CPEB3: variants seen among roughly 807,000 people sequenced by gnomAD.
CPEB3 encodes cytoplasmic polyadenylation element binding protein 3.
Under a neutral mutation model 67.2 loss-of-function variants are expected in CPEB3, and 20 were observed. The observed-to-expected ratio is 0.30, with a 90% CI of 0.21 to 0.43. The LOEUF (loss-of-function observed/expected upper bound fraction) is 0.43, where lower values mean the gene tolerates loss of function less well. Ranked by LOEUF, CPEB3 falls within the 20% of genes least tolerant of loss-of-function variation. The probability of loss-of-function intolerance (pLI) is 1.00; values close to 1 mark genes in which losing one functional copy is unlikely to be tolerated. For synonymous variants in CPEB3, 376 were observed against 393.1 expected (o/e 0.96, Z 0.51); for missense variants, 746 against 968.6 (o/e 0.77, Z 3.05).
At chr10:92,230,181 C>A (rs1851202117) in intron 2 of CPEB3, among the ~76,000 whole-genome samples, 1 of 152,150 alleles carries the variant, frequency 6.6e-6, no homozygotes, top group Non-Finnish European at 1.5e-5. Flanking sequence ...TACTAAGTGT[C>A]AGGCACTTCC....
chr10:92,255,291 A>AC (rs1405584493), intron 1 of CPEB3, among the ~76,000 whole-genome samples: 6 of 152,122 alleles, frequency 3.9e-5, no homozygotes, highest in African/African-American at 7.2e-5. Flanking sequence ...TTTGAAAGAA[A>AC]CTCTAGATCT....
chr10:92,233,783 T>G (rs897676601), intron 2 of CPEB3, among the ~76,000 whole-genome samples: 1 of 152,084 alleles, frequency 6.6e-6, no homozygotes. Flanking sequence ...TAAAACTCCT[T>G]GCAATCACCT....
chr10:92,210,747 T>C (rs144988582), intron 2 of CPEB3, among the ~76,000 whole-genome samples: 1 of 152,318 alleles, frequency 6.6e-6, no homozygotes, highest in African/African-American at 2.4e-5. Flanking sequence ...CATTTAAAGC[T>C]ATAAATATGG....
intron 4 of CPEB3, among the ~76,000 whole-genome samples, chr10:92,176,209 T>C (rs1431103750): frequency 1.3e-5 from 2 of 152,236 alleles, no homozygotes; most frequent in Admixed American, 6.5e-5. Context: ...GAAACTAATA[T>C]GTAAAGAAAG....
At chr10:92,234,376 C>T (rs1044199558) in intron 2 of CPEB3, among the ~76,000 whole-genome samples, 3 of 152,128 alleles carry the variant, frequency 2.0e-5, no homozygotes, top group African/African-American at 4.8e-5. Flanking sequence ...GGCATACTTA[C>T]AGTCACTGTA....
At chr10:92,248,546 A>G (rs943246067) in intron 1 of CPEB3, among the ~76,000 whole-genome samples, 2 of 152,238 alleles carry the variant, frequency 1.3e-5, no homozygotes, top group African/African-American at 4.8e-5. Context: ...ATATACGGAT[A>G]AATGGATGGA....
chr10:92,186,739 A>G (rs1848713475), intron 3 of CPEB3, among the ~76,000 whole-genome samples: 1 of 152,130 alleles, frequency 6.6e-6, no homozygotes, highest in Non-Finnish European at 1.5e-5. Flanking sequence ...CTGGCCGCTA[A>G]AAACTCAGGT....
chr10:92,099,529 G>T (rs991475037), intron 7 of CPEB3, among the ~76,000 whole-genome samples: 1 of 151,822 alleles, frequency 6.6e-6, no homozygotes, highest in Non-Finnish European at 1.5e-5. Context: ...ATTGACAATT[G>T]ACCAGAACCT....
rs977640804 is a variant in CPEB3 at position 92,047,467 on chromosome 10, CTAATA to C, written c.*4740_*4744del. The C allele has an allele frequency of 9.9e-5, 15 of 152,206 alleles. No homozygotes were observed. Among genetic ancestry groups the C allele is most frequent in the African/African-American group, 1.4e-4 (6 of 41,522 alleles). The allele number at this position is 152,206 out of a possible 1,614,324, so 9.4% of individuals were successfully genotyped here. A position where few individuals can be genotyped will look rare whatever the true frequency, so the allele number is the denominator to read the frequency against. On this transcript the variant is annotated 3_prime_UTR_variant, in exon 10 of 10. Transcript: ENST00000265997. ...ACCCAGTTAAATGCCATTTTTGTTG[CTAATA>C]TAATAGATAAAATGAAAACTAGCAG...
intron 2 of CPEB3, among the ~76,000 whole-genome samples, chr10:92,213,983 T>C (rs1850219871): frequency 6.6e-6 from 1 of 152,088 alleles, no homozygotes. Context: ...CAGAAAACCA[T>C]ACATATGACT....
intron 6 of CPEB3, among the ~76,000 whole-genome samples, chr10:92,132,461 T>G (rs1024283463): frequency 6.6e-6 from 1 of 152,148 alleles, no homozygotes; most frequent in African/African-American, 2.4e-5. Context: ...TTTCTTATTG[T>G]CTTGCAGCGG....
At chr10:92,068,992 G>C (rs532949600) in intron 9 of CPEB3, among the ~76,000 whole-genome samples, 116 of 152,246 alleles carry the variant, frequency 7.6e-4, no homozygotes, top group African/African-American at 2.7e-3. Flanking sequence ...GGTCAGGCAG[G>C]GACCACTAAG....
chr10:92,275,616 A>C (rs1841942903), intron 1 of CPEB3, among the ~76,000 whole-genome samples: 1 of 152,092 alleles, frequency 6.6e-6, no homozygotes, highest in Admixed American at 6.6e-5. Flanking sequence ...CAATCACTAT[A>C]ATCAATTTTA....
chr10:92,232,774 T>A (rs1464072819), intron 2 of CPEB3, among the ~76,000 whole-genome samples: 2 of 142,352 alleles, frequency 1.4e-5, no homozygotes, highest in African/African-American at 5.3e-5. Flanking sequence ...AAAAAAAAAA[T>A]ACATCAAATT....
intron 4 of CPEB3, among the ~76,000 whole-genome samples, chr10:92,179,810 G>C (rs1299574873): frequency 6.6e-6 from 1 of 152,218 alleles, no homozygotes; most frequent in East Asian, 1.9e-4. Context: ...GTCAGACCAA[G>C]GAGATGTGAA....
At chr10:92,176,593 T>A (rs998791681) in intron 4 of CPEB3, among the ~76,000 whole-genome samples, 4 of 152,248 alleles carry the variant, frequency 2.6e-5, no homozygotes, top group African/African-American at 7.2e-5. Flanking sequence ...TTTGTACCTA[T>A]CAAGCAACTT....
chr10:92,083,764 G>A (rs1234832779), intron 8 of CPEB3, among the ~76,000 whole-genome samples: 3 of 152,136 alleles, frequency 2.0e-5, no homozygotes, highest in Admixed American at 2.0e-4. Context: ...TGTCTTCCAC[G>A]ATAGGAAGGA....
rs191415817 is a variant in CPEB3, at chr10:92,149,042, A to T, written c.1223-3957T>A. Among the ~76,000 whole-genome samples the T allele has an allele frequency of 3.9e-5, 6 of 152,176 alleles. No individual in the cohort carries two copies. The East Asian group carries it at 1.2e-3, about 30-fold the overall frequency. On this transcript the variant is annotated intron_variant, in intron 4 of 9. Coordinates refer to ENST00000265997, the MANE Select transcript of CPEB3 (RefSeq NM_014912.5). The stretch of plus-strand genomic sequence containing the variant: ...CAACCTCCCCAGTAGCTGGGATTAT[A>T]GGCATGTGCCACCACACCTGGCTTA...
chr10:92,103,428 G>A (rs1301928665), intron 7 of CPEB3, among the ~76,000 whole-genome samples: 2 of 152,196 alleles, frequency 1.3e-5, no homozygotes, highest in Non-Finnish European at 2.9e-5. Context: ...CTACTTTAGA[G>A]CTAAGGAAGC....
Sources: gnomAD v4.1 joint callset for allele counts (sites outside exome capture counted in the v4.1 genomes callset) on GRCh38, gnomAD v4.1.1 for gene constraint, MANE v1.5 for transcripts, NCBI Gene and HGNC (gene_info 2026-07-23, HGNC 2026-07-21) for gene names.